FBXW4: variants seen among roughly 807,000 people sequenced by gnomAD.
FBXW4 encodes F-box/WD repeat-containing protein 4.
A neutral mutation model predicts 61.8 loss-of-function variants in FBXW4; 40 were observed. The ratio of observed to expected loss-of-function variants is 0.65; its 90% CI spans 0.50 to 0.84. The LOEUF (loss-of-function observed/expected upper bound fraction) is 0.84. Ranked by LOEUF, FBXW4 falls within the 40% of genes least tolerant of loss-of-function variation. The probability of loss-of-function intolerance (pLI) is 0.00; values close to 1 mark genes in which losing one functional copy is unlikely to be tolerated. For synonymous variants in FBXW4, 311 were observed against 313.8 expected, an observed-to-expected ratio of 0.99 and a Z score of 0.10; for missense variants, 672 against 753.8, an observed-to-expected ratio of 0.89 and a Z score of 1.27.
chr10:101,632,411 A>G (rs1229695241), intron 5 of FBXW4, among the ~76,000 whole-genome samples: 1 of 152,160 alleles, frequency 6.6e-6, no homozygotes, highest in East Asian at 1.9e-4. Flanking sequence ...TCCTACAGCC[A>G]GAGAATGCCT....
rs1384511931 is a variant in FBXW4 at position 101,676,331 on chromosome 10, G to A, written c.821+10C>T. The A allele has an allele frequency of 1.2e-6, 2 of 1,609,886 alleles. No homozygotes were observed. Among genetic ancestry groups the A allele is most frequent in the African/African-American group, 2.7e-5 (2 of 74,798 alleles). On this transcript the variant is annotated intron_variant, in intron 2 of 8. Coordinates refer to ENST00000331272, the MANE Select transcript of FBXW4 (RefSeq NM_022039.4). ...CCAAGTAGCTTTTAAAAAGTCAAGA[G>A]GCTACTTGCCTGCATCTCCACTTCA...
chr10:101,681,398 A>AAT (rs199519506), intron 1 of FBXW4, among the ~76,000 whole-genome samples: 15,258 of 135,674 alleles, frequency 0.11, 1,078 homozygotes, highest in Middle Eastern at 0.17. Context: ...CAAAAAAAAA[A>AAT]AATAATAATA....
chr10:101,667,866 T>C lies in FBXW4; in HGVS notation c.1235+20A>G, dbSNP rs752277792. ...CATTATTATACAGGACAAAACCACA[T>C]CCAAATATGTCTCCCTTACCTGAGT... On this transcript the variant is annotated intron_variant, in intron 5 of 8. Transcript: ENST00000331272. 1.5e-5 allele frequency: 24 copies of C among 1,600,214 alleles called. No homozygotes were observed. In the South Asian group the frequency reaches 2.5e-4, roughly 17 times the overall value.
chr10:101,672,469 C>T (rs2064366870), intron 4 of FBXW4, among the ~76,000 whole-genome samples: 1 of 152,192 alleles, frequency 6.6e-6, no homozygotes, highest in Non-Finnish European at 1.5e-5. Context: ...CATCACTCTC[C>T]AGAGAAGCAG....
chr10:101,660,294 G>C, intron 5 of FBXW4: 1 of 773,114 alleles, frequency 1.3e-6, no homozygotes, highest in Non-Finnish European at 1.5e-6. Flanking sequence ...TACAGCAGTG[G>C]CTACAATTAC....
chr10:101,658,577 G>T (rs182000143), intron 5 of FBXW4, among the ~76,000 whole-genome samples: 2 of 152,206 alleles, frequency 1.3e-5, no homozygotes, highest in East Asian at 3.9e-4. Flanking sequence ...AAATGAAAAA[G>T]AAAATGAGGA....
At chr10:101,628,082 A>G in intron 5 of FBXW4, 1 of 521,958 alleles carries the variant, frequency 1.9e-6, no homozygotes, top group Non-Finnish European at 2.5e-6. Context: ...GCTCTCAATA[A>G]ATACTTGGAG....
At chr10:101,668,125 G>A in intron 4 of FBXW4, 145 bp from the exon 5 acceptor site, 3 of 639,398 alleles carry the variant, frequency 4.7e-6, no homozygotes, top group Non-Finnish European at 8.4e-6. Flanking sequence ...ATCAGCAGAG[G>A]GGCCCCTGCA....
chr10:101,639,459 T>C (rs2064032639), intron 5 of FBXW4, among the ~76,000 whole-genome samples: 1 of 152,220 alleles, frequency 6.6e-6, no homozygotes, highest in South Asian at 2.1e-4. Flanking sequence ...ACCATTCACA[T>C]AGACACTTTG....
chr10:101,661,581 C>G (rs1042707577), intron 5 of FBXW4, among the ~76,000 whole-genome samples: 8 of 152,272 alleles, frequency 5.3e-5, no homozygotes, highest in African/African-American at 1.9e-4. Context: ...TTACCTGGAG[C>G]TTCCATCTTT....
chr10:101,688,945 G>A (rs1219554861), intron 1 of FBXW4, among the ~76,000 whole-genome samples: 6 of 152,104 alleles, frequency 3.9e-5, no homozygotes, highest in African/African-American at 1.4e-4. Flanking sequence ...GTCAGGACCA[G>A]AAACTAATCC....
rs551007102 is a variant in FBXW4 at position 101,659,963 on chromosome 10, T to C, written c.1235+7923A>G. On this transcript the variant is annotated intron_variant, in intron 5 of 8. Coordinates refer to ENST00000331272, the MANE Select transcript of FBXW4 (RefSeq NM_022039.4). ...ATAATAATAATCAAAAGGAGGAAGATAAGCATGGAAATCTGTATCTTAGAA... is the reference window on the plus strand; with the variant it reads ...ATAATAATAATCAAAAGGAGGAAGACAAGCATGGAAATCTGTATCTTAGAA... 21 of 394,792 alleles carry C rather than the reference T, an allele frequency of 5.3e-5. No homozygotes were observed. In the Admixed American group the frequency reaches 1.2e-3, roughly 22 times the overall value. The allele number at this position is 394,792 out of a possible 1,614,324, so 24.5% of individuals were successfully genotyped here.
intron 5 of FBXW4, among the ~76,000 whole-genome samples, chr10:101,657,443 G>A (rs2064196668): frequency 6.6e-6 from 1 of 152,036 alleles, no homozygotes; most frequent in Non-Finnish European, 1.5e-5. Context: ...AAACCAGCCT[G>A]GCCAACATGG....
chr10:101,648,534 G>A (rs1420991077), intron 5 of FBXW4, among the ~76,000 whole-genome samples: 1 of 152,140 alleles, frequency 6.6e-6, no homozygotes, highest in African/African-American at 2.4e-5. Flanking sequence ...ACAGGAAAAG[G>A]AGTCAGAACT....
At chr10:101,677,030 A>T (rs1267776867) in intron 1 of FBXW4, among the ~76,000 whole-genome samples, 1 of 152,232 alleles carries the variant, frequency 6.6e-6, no homozygotes, top group Non-Finnish European at 1.5e-5. Context: ...TTGTACCGTG[A>T]TGAGGAAGTC....
At chr10:101,631,740 GCCTCAGCCTC>G (rs1339699601) in intron 5 of FBXW4, among the ~76,000 whole-genome samples, 1 of 151,216 alleles carries the variant, frequency 6.6e-6, no homozygotes, top group African/African-American at 2.4e-5. Flanking sequence ...CAATTCTTCT[GCCTCAGCCTC>G]CCAAGTAGCT....
At chr10:101,681,493 G>A (rs892418233) in intron 1 of FBXW4, among the ~76,000 whole-genome samples, 6 of 150,690 alleles carry the variant, frequency 4.0e-5, no homozygotes, top group East Asian at 1.9e-4. Context: ...CGAGGCAGGC[G>A]GATCACGAGG....
At chr10:101,659,305 T>C in intron 5 of FBXW4, 3 of 823,708 alleles carry the variant, frequency 3.6e-6, no homozygotes, top group Non-Finnish European at 4.4e-6. Context: ...CACTCAGCCA[T>C]CTTGAACCCT....
chr10:101,627,254 G>T (rs573186503), intron 5 of FBXW4, among the ~76,000 whole-genome samples: 11 of 152,162 alleles, frequency 7.2e-5, no homozygotes, highest in South Asian at 6.2e-4. Flanking sequence ...TCCAAAAGCT[G>T]CCCTTTTCTC....
Sources: allele counts gnomAD v4.1 joint callset (sites outside exome capture counted in the v4.1 genomes callset), GRCh38; gene constraint gnomAD v4.1.1; transcripts MANE v1.5; gene names NCBI Gene and HGNC (gene_info 2026-07-23, HGNC 2026-07-21).